The following DLGAP1 variants were observed in gnomAD, a reference collection of about 807,000 sequenced individuals.
The protein encoded by DLGAP1 is DLG associated protein 1, also known as disks large-associated protein 1.
DLGAP1 carries 11 observed loss-of-function variants against 90.8 expected under a neutral mutation model. The observed-to-expected ratio is 0.12, with a 90% confidence interval of 0.08 to 0.20. The LOEUF is 0.20. Ranked by LOEUF, DLGAP1 falls within the 10% of genes least tolerant of loss-of-function variation. The pLI, the probability that DLGAP1 is intolerant of heterozygous loss-of-function variation, is 1.00. For synonymous variants in DLGAP1, 558 were observed against 540.7 expected, an observed-to-expected ratio of 1.03 and a Z score of -0.44; for missense variants, 1,050 against 1,333.8, an observed-to-expected ratio of 0.79 and a Z score of 3.31.
chr18:3,505,728 G>A (rs913483651), intron 11 of DLGAP1, among the ~76,000 whole-genome samples: 1 of 151,882 alleles, frequency 6.6e-6, no homozygotes, highest in African/African-American at 2.4e-5. Flanking sequence ...CTTTCAGCAG[G>A]GTGTCAGGCA....
chr18:3,638,039 C>T (rs559635335), intron 7 of DLGAP1, among the ~76,000 whole-genome samples: 142 of 150,174 alleles, frequency 9.5e-4, no homozygotes, highest in East Asian at 9.9e-4. Context: ...CTCCGCCTCC[C>T]GGGTTCCCGC....
At chr18:3,705,394 A>T (rs1212057400) in intron 7 of DLGAP1, among the ~76,000 whole-genome samples, 1 of 150,118 alleles carries the variant, frequency 6.7e-6, no homozygotes, top group Admixed American at 6.7e-5. Context: ...TTGTGCTTGT[A>T]TGGTGCAGTA....
rs3075071 is a variant in DLGAP1, at chr18:3,527,410, C to CT, written c.2479+6783dup. The stretch of plus-strand genomic sequence containing the variant: ...GTGAGTAAACAGGTTATTTTCCAAA[C>CT]TTTTTTTTTTTTTTTTTTTTTTGCC... On this transcript the variant is annotated intron_variant, in intron 10 of 12. Transcript: ENST00000315677. Among the ~76,000 whole-genome samples, 112 of 100,670 alleles carry CT rather than the reference C, an allele frequency of 1.1e-3. 3 individuals carry two copies. Among genetic ancestry groups the CT allele is most frequent in the African/African-American group, 1.8e-3 (49 of 26,818 alleles). 66.0% of individuals were successfully genotyped at this position (100,670 alleles called of 152,430 possible).
intron 1 of DLGAP1, among the ~76,000 whole-genome samples, chr18:4,174,715 C>T (rs1174851734): frequency 6.6e-6 from 1 of 152,272 alleles, no homozygotes; most frequent in South Asian, 2.1e-4. Context: ...TATACACGTG[C>T]CATGATGGTT....
At chr18:3,720,460 C>T (rs1250029828) in intron 7 of DLGAP1, among the ~76,000 whole-genome samples, 3 of 152,058 alleles carry the variant, frequency 2.0e-5, no homozygotes, top group Non-Finnish European at 2.9e-5. Context: ...TTTTGGTCTT[C>T]TCTATTTTTA....
At chr18:4,355,713 G>C (rs1258580417) in intron 1 of DLGAP1, among the ~76,000 whole-genome samples, 1 of 145,948 alleles carries the variant, frequency 6.9e-6, no homozygotes, top group East Asian at 2.0e-4. Context: ...GAGAAAACTG[G>C]GTTAAAGTTA....
At chr18:3,577,062 T>C (rs561469870) in intron 8 of DLGAP1, among the ~76,000 whole-genome samples, 1 of 152,136 alleles carries the variant, frequency 6.6e-6, no homozygotes, top group African/African-American at 2.4e-5. Flanking sequence ...GGTTTCACCA[T>C]GTTGGTCAGG....
chr18:4,298,611 TG>T (rs2080042479), intron 1 of DLGAP1, among the ~76,000 whole-genome samples: 2 of 144,286 alleles, frequency 1.4e-5, no homozygotes, highest in African/African-American at 5.2e-5. Context: ...TATCACACTC[TG>T]GGGACTGTTG....
chr18:3,514,785 A>G (rs1017229163), intron 10 of DLGAP1, among the ~76,000 whole-genome samples: 1 of 152,230 alleles, frequency 6.6e-6, no homozygotes, highest in Non-Finnish European at 1.5e-5. Context: ...GCCATCAGCA[A>G]GTCATAATCT....
intron 3 of DLGAP1, among the ~76,000 whole-genome samples, chr18:3,880,918 G>C (rs568868053): frequency 1.4e-5 from 2 of 143,602 alleles, no homozygotes; most frequent in African/African-American, 5.2e-5. Context: ...ACTCCAGCCT[G>C]GGGGACAGAG....
At chr18:3,960,533 G>A (rs536194276) in intron 3 of DLGAP1, among the ~76,000 whole-genome samples, 72 of 152,264 alleles carry the variant, frequency 4.7e-4, no homozygotes, top group African/African-American at 1.6e-3. Flanking sequence ...CTGCACTCCA[G>A]CCTGGGTGAC....
intron 1 of DLGAP1, among the ~76,000 whole-genome samples, chr18:4,436,280 A>G (rs574573033): frequency 1.3e-5 from 2 of 152,236 alleles, no homozygotes; most frequent in African/African-American, 4.8e-5. Flanking sequence ...AGATGTATAA[A>G]TATAAGTGCC....
At chr18:3,690,403 A>C (rs2060853602) in intron 7 of DLGAP1, among the ~76,000 whole-genome samples, 1 of 151,720 alleles carries the variant, frequency 6.6e-6, no homozygotes, top group Non-Finnish European at 1.5e-5. Flanking sequence ...ATTTTTAAAC[A>C]ATATCAAGGA....
chr18:4,087,603 C>A (rs2075705489), intron 2 of DLGAP1, among the ~76,000 whole-genome samples: 1 of 152,094 alleles, frequency 6.6e-6, no homozygotes, highest in African/African-American at 2.4e-5. Context: ...CTGTGAGACC[C>A]CTGATTTCCC....
intron 1 of DLGAP1, among the ~76,000 whole-genome samples, chr18:4,370,318 T>A (rs1433802488): frequency 4.6e-5 from 7 of 152,148 alleles, no homozygotes; most frequent in Non-Finnish European, 8.8e-5. Context: ...AAAGTTCCTG[T>A]GGAACATTCT....
intron 3 of DLGAP1, among the ~76,000 whole-genome samples, chr18:3,887,785 A>G (rs779186726): frequency 6.6e-5 from 10 of 152,184 alleles, no homozygotes; most frequent in Non-Finnish European, 2.9e-5. Flanking sequence ...TACTACTAAA[A>G]AATGAAACCA....
intron 1 of DLGAP1, among the ~76,000 whole-genome samples, chr18:4,183,625 T>C (rs1231186071): frequency 6.6e-6 from 1 of 152,128 alleles, no homozygotes; most frequent in Non-Finnish European, 1.5e-5. Context: ...GTCATCCATT[T>C]CCTCTTTCCT....
chr18:3,736,032 C>T (rs1295300476), intron 6 of DLGAP1, among the ~76,000 whole-genome samples: 2 of 152,174 alleles, frequency 1.3e-5, no homozygotes, highest in Middle Eastern at 3.4e-3. Flanking sequence ...AAGTCAAAGT[C>T]ACGGCTGAGC....
chr18:3,827,423 G>C (rs1324023393), intron 4 of DLGAP1, among the ~76,000 whole-genome samples: 1 of 152,212 alleles, frequency 6.6e-6, no homozygotes, highest in Non-Finnish European at 1.5e-5. Flanking sequence ...GTAACGTACT[G>C]TCACATTGAC....
Sources: gnomAD v4.1 joint callset for allele counts (sites outside exome capture counted in the v4.1 genomes callset) on GRCh38, gnomAD v4.1.1 for gene constraint, MANE v1.5 for transcripts, NCBI Gene and HGNC (gene_info 2026-07-23, HGNC 2026-07-21) for gene names.